The following BCAT2 variants were observed in gnomAD, a reference collection of about 807,000 sequenced individuals.
The protein encoded by BCAT2 is branched-chain-amino-acid aminotransferase, mitochondrial.
A neutral mutation model predicts 52.9 loss-of-function variants in BCAT2; 44 were observed. That is an observed-to-expected ratio of 0.83 (90% confidence interval 0.65 to 1.07). The LOEUF (loss-of-function observed/expected upper bound fraction) is 1.07. Among genes scored for constraint, BCAT2 ranks in the 50% least tolerant of loss-of-function variants. The pLI is 0.00. For missense variants in BCAT2, 478 were observed against 521.8 expected, an observed-to-expected ratio of 0.92 and a Z score of 0.82; for synonymous variants, 215 against 217.1, an observed-to-expected ratio of 0.99 and a Z score of 0.08.
chr19:48,810,999 T>A lies in BCAT2; in HGVS notation c.9A>T (p.Ala3=), dbSNP rs771265882. The A allele has an allele frequency of 6.2e-7, 1 of 1,608,000 alleles. No homozygotes were observed. The highest frequency in any genetic ancestry group is 8.5e-7 in the Non-Finnish European group (1 of 1,178,028). Residue 3 remains alanine, a synonymous_variant, in exon 1 of 11, where the codon GCA becomes GCT. Transcript: ENST00000316273. ...GCGAACCCACCTGCCCCAGAGCGGC[T>A]GCGGCCATGATCCGTGCGGCGCGTA... MA[A]AALGQIWARK...
chr19:48,797,536 C>A lies in BCAT2; in HGVS notation c.696-203G>T, dbSNP rs567310133. On this transcript the variant is annotated intron_variant, in intron 6 of 10. Coordinates refer to ENST00000316273, the MANE Select transcript of BCAT2 (RefSeq NM_001190.4). ...TATGTCCCCTCTCTCCTGTCTCTTC[C>A]CACTTTTCTTTCTTTTCTTTTCTTT... The A allele has an allele frequency of 4.9e-6, 3 of 613,772 alleles. No homozygotes were observed. In the Admixed American group the frequency reaches 9.3e-5, roughly 19 times the overall value. 38.0% of individuals were successfully genotyped at this position (613,772 alleles called of 1,614,324 possible). A position where few individuals can be genotyped will look rare whatever the true frequency, so the allele number is the denominator to read the frequency against.
chr19:48,800,493 A>T (rs925079785), intron 3 of BCAT2, among the ~76,000 whole-genome samples, 196 bp from the exon 4 acceptor site: 3 of 152,136 alleles, frequency 2.0e-5, no homozygotes, highest in Non-Finnish European at 4.4e-5. Flanking sequence ...GGAGACAAAC[A>T]GGTAGAGACA....
At chr19:48,797,151 A>G in intron 7 of BCAT2, 40 bp downstream of exon 7, 1 of 1,611,176 alleles carries the variant, frequency 6.2e-7, no homozygotes. Flanking sequence ...GGTGCCACCC[A>G]CTTCCACCAG....
Position 48,797,005 on chromosome 19 carries a change from G to T in BCAT2, c.856C>A (p.Pro286Thr). 6.2e-7 allele frequency: 1 copy of T among 1,614,176 alleles called. No individual in the cohort carries two copies. Among genetic ancestry groups the T allele is most frequent in the Non-Finnish European group, 8.5e-7 (1 of 1,180,018 alleles). The change falls in exon 8 of 11, where the codon CCC becomes ACC. Residue 286 changes from proline (P) to threonine (T), a missense_variant. Transcript: ENST00000316273. ...HEDGVLELVT[P>T]PLNGVILPGV... is the part of the protein sequence containing the mutation. ...GGCAGGATAACACCATTCAGCGGGG[G>T]CGTCACCAGCTCCAGCACTAGGGCA...
intron 3 of BCAT2, among the ~76,000 whole-genome samples, chr19:48,803,664 A>G (rs1193977831): frequency 6.6e-6 from 1 of 152,012 alleles, no homozygotes; most frequent in Non-Finnish European, 1.5e-5. Context: ...CCTGGGTAAC[A>G]TGGTGAAACC....
chr19:48,799,607 C>T lies in BCAT2; in HGVS notation c.695+68G>A, dbSNP rs989429849. The T allele has an allele frequency of 1.8e-5, 27 of 1,470,044 alleles. No individual in the cohort carries two copies. Among genetic ancestry groups the T allele is most frequent in the Non-Finnish European group, 2.3e-5 (26 of 1,109,766 alleles). 91.1% of individuals were successfully genotyped at this position (1,470,044 alleles called of 1,614,324 possible). A position where few individuals can be genotyped will look rare whatever the true frequency, so the allele number is the denominator to read the frequency against. On this transcript the variant is annotated intron_variant, in intron 6 of 10. Coordinates refer to ENST00000316273, the MANE Select transcript of BCAT2 (RefSeq NM_001190.4). This position sits in a 1 kb window ranked among gnomAD's most constrained non-coding sequence, Gnocchi z 5.5. ...ACATCCAGAGGCATGGCCGAAAGCA[C>T]GCACGCTGGTCCCTGTGTCTCCAAC... is the stretch of plus-strand genomic sequence containing the variant.
At position 48,796,479 on chromosome 19, in the gene BCAT2, TTC is replaced by T; in HGVS notation, c.1087_1088del (p.Glu363LysfsTer4). 6.2e-7 allele frequency: 1 copy of T among 1,613,878 alleles called. No individual in the cohort carries two copies. Among genetic ancestry groups the T allele is most frequent in the Non-Finnish European group, 8.5e-7 (1 of 1,179,984 alleles). ...KDRNLHIPTM[E>X]NGPELILRFQ... Reference sequence around the variant, plus strand: ...AGCGGAGGATCAGCTCAGGCCCATTTTCCATGGTGGGAATGTGGAGGTTCTGG... The same window carrying T: ...AGCGGAGGATCAGCTCAGGCCCATTTCATGGTGGGAATGTGGAGGTTCTGG... On this transcript the variant is annotated frameshift_variant, in exon 10 of 11. Transcript: ENST00000316273. LOFTEE classifies it high-confidence loss of function.
chr19:48,797,138 G>T, intron 7 of BCAT2, 53 bp downstream of exon 7: 3 of 1,609,244 alleles, frequency 1.9e-6, no homozygotes, highest in South Asian at 1.1e-5. Context: ...TGCCAGGAAT[G>T]ATGGTGCCAC....
Position 48,800,273 on chromosome 19 carries a change from T to C in BCAT2, c.325A>G (p.Lys109Glu), listed in dbSNP as rs1250275052. 1 of 1,613,810 alleles carries C rather than the reference T, an allele frequency of 6.2e-7. No individual in the cohort carries two copies. The highest frequency in any genetic ancestry group is 1.3e-5 in the African/African-American group (1 of 75,060). Reference sequence around the variant, plus strand: ...AGGCGCACCTGCTGGTCTTTGCCTTTGAACGCCTTCATGCCCTCAAACAGC... The same window carrying C: ...AGGCGCACCTGCTGGTCTTTGCCTTCGAACGCCTTCATGCCCTCAAACAGC... ...LQLFEGMKAF[K>E]GKDQQVRLFR... The change falls in exon 4 of 11, where the codon AAA becomes GAA. Residue 109 changes from lysine to glutamate, a missense_variant. Transcript: ENST00000316273.
Position 48,795,263 on chromosome 19 carries a change from AC to A in BCAT2, c.*162del. 1.1e-6 allele frequency: 1 copy of A among 886,606 alleles called. No individual in the cohort carries two copies. Among genetic ancestry groups the A allele is most frequent in the Non-Finnish European group, 1.8e-6 (1 of 570,410 alleles). The allele number at this position is 886,606 out of a possible 1,614,324, so 54.9% of individuals were successfully genotyped here. A position where few individuals can be genotyped will look rare whatever the true frequency, so the allele number is the denominator to read the frequency against. On this transcript the variant is annotated 3_prime_UTR_variant, in exon 11 of 11. Transcript: ENST00000316273. ...GGCCAAGATGCCTGGGTCGGCCCTT[AC>A]GGCTTTGGGAGTGTCGCAACCACAT... is the stretch of plus-strand genomic sequence containing the variant.
chr19:48,809,173 CCA>C (rs1599813588), intron 1 of BCAT2, among the ~76,000 whole-genome samples: 1 of 149,270 alleles, frequency 6.7e-6, no homozygotes, highest in Non-Finnish European at 1.5e-5. Flanking sequence ...GGCTGAGGCA[CCA>C]CAGTCACTTG....
chr19:48,796,136 G>A, intron 10 of BCAT2: 1 of 517,850 alleles, frequency 1.9e-6, no homozygotes, highest in South Asian at 3.2e-5. Context: ...CGGAGAGGGG[G>A]TTTCTCCTAC....
Position 48,806,557 on chromosome 19 carries a change from G to A in BCAT2, c.260C>T (p.Thr87Met), listed in dbSNP as rs140816608. ...QPRIQPFQNLTLHPASSSLHY... is the reference protein window; with the variant it reads ...QPRIQPFQNLMLHPASSSLHY... ...GAGGCTGGAGGAGGCTGGGTGCAGC[G>A]TGAGGTTCTGGAAGGGCTGGATTCG... The change falls in exon 3 of 11, where the codon ACG becomes ATG. Residue 87 changes from threonine to methionine, a missense_variant. Thr to Met is a moderately conservative substitution (Grantham distance 81). Coordinates refer to ENST00000316273, the MANE Select transcript of BCAT2 (RefSeq NM_001190.4). The A allele has an allele frequency of 4.3e-5, 70 of 1,614,018 alleles. No individual in the cohort carries two copies. Among genetic ancestry groups the A allele is most frequent in the Middle Eastern group, 1.7e-4 (1 of 6,042 alleles).
Position 48,795,385 on chromosome 19 carries a change from A to T in BCAT2, c.*41T>A. The T allele has an allele frequency of 6.2e-7, 1 of 1,613,420 alleles. No individual in the cohort carries two copies. Among genetic ancestry groups the T allele is most frequent in the Non-Finnish European group, 8.5e-7 (1 of 1,179,706 alleles). ...TAGGGAGGCGAGTGCTGGCGTGACG[A>T]GATGCTACGGGTCGGTGGATCTGGA... On this transcript the variant is annotated 3_prime_UTR_variant, in exon 11 of 11. Transcript: ENST00000316273.
rs2034603729 is a variant in BCAT2 at position 48,799,392 on chromosome 19, C to T, written c.695+283G>A. ...GCCAATGAGCTGAGTGTAAGCTTCACTCCTGGAGGCTTCCAGGGACCAGTC... is the reference window on the plus strand; with the variant it reads ...GCCAATGAGCTGAGTGTAAGCTTCATTCCTGGAGGCTTCCAGGGACCAGTC... On this transcript the variant is annotated intron_variant, in intron 6 of 10. Transcript: ENST00000316273. The surrounding 1 kb of genome is among the most constrained non-coding windows in gnomAD (Gnocchi z 5.5). The T allele has an allele frequency of 2.5e-6, 1 of 392,380 alleles. No homozygotes were observed. Among genetic ancestry groups the T allele is most frequent in the Non-Finnish European group, 4.5e-6 (1 of 222,316 alleles). 24.3% of individuals were successfully genotyped at this position (392,380 alleles called of 1,614,324 possible).
At chr19:48,796,902 A>G in intron 8 of BCAT2, 35 bp downstream of exon 8, 1 of 1,610,542 alleles carries the variant, frequency 6.2e-7, no homozygotes, top group East Asian at 2.2e-5. Context: ...CCCCTGGCAC[A>G]TGGCGCCCAT....
intron 6 of BCAT2, among the ~76,000 whole-genome samples, chr19:48,797,902 C>T (rs993943775): frequency 1.3e-4 from 19 of 151,548 alleles, no homozygotes; most frequent in African/African-American, 3.2e-4. Flanking sequence ...CTGCAACCTC[C>T]GCCTCTCGGG....
intron 3 of BCAT2, among the ~76,000 whole-genome samples, chr19:48,804,297 A>G (rs1203103866): frequency 6.6e-6 from 1 of 151,988 alleles, no homozygotes; most frequent in Non-Finnish European, 1.5e-5. Context: ...CAATCCCAGC[A>G]CTTTGGGAGG....
chr19:48,808,074 G>A, intron 1 of BCAT2: 4 of 987,422 alleles, frequency 4.1e-6, no homozygotes, highest in Non-Finnish European at 4.8e-6. Flanking sequence ...AGATGGACGT[G>A]AATGGGCGTG....
Sources: allele counts gnomAD v4.1 joint callset (sites outside exome capture counted in the v4.1 genomes callset), GRCh38; gene constraint gnomAD v4.1.1; non-coding constraint Gnocchi (gnomAD v3.1); transcripts MANE v1.5; gene names NCBI Gene and HGNC (gene_info 2026-07-23, HGNC 2026-07-21).